Variants in GABRB1 observed in about 807,000 individuals in gnomAD.
GABRB1 encodes the protein gamma-aminobutyric acid type A receptor subunit beta1.
A neutral mutation model predicts 51.6 loss-of-function variants in GABRB1; 17 were observed. That is an observed-to-expected ratio of 0.33 (90% CI 0.23 to 0.49). The LOEUF (loss-of-function observed/expected upper bound fraction) is 0.49, where lower values mean the gene tolerates loss of function less well. GABRB1 is among the 20% of genes least tolerant of loss of function. GABRB1 has a pLI of 0.99. For missense variants in GABRB1, 410 were observed against 600.6 expected (o/e 0.68, Z 3.32); for synonymous variants, 247 against 218.9 (o/e 1.13, Z -1.14).
At chr4:47,333,100 T>G (rs1232128211) in intron 5 of GABRB1, among the ~76,000 whole-genome samples, 1 of 146,686 alleles carries the variant, frequency 6.8e-6, no homozygotes, top group Non-Finnish European at 1.5e-5. Context: ...ATATACATAT[T>G]TTTATATTCA....
chr4:47,292,021 G>C lies in GABRB1; in HGVS notation c.462-28106G>C, dbSNP rs151219323. Among the ~76,000 whole-genome samples the C allele has an allele frequency of 3.9e-3, 593 of 152,292 alleles. 6 individuals carry two copies. The highest frequency in any genetic ancestry group is 0.014 in the African/African-American group (576 of 41,560). ...AGGACATGAGATTTGGGAGAGGCCAGGGGTGGAATGATAAGGTTTGGTTTT... is the reference window on the plus strand; with the variant it reads ...AGGACATGAGATTTGGGAGAGGCCACGGGTGGAATGATAAGGTTTGGTTTT... On this transcript the variant is annotated intron_variant, in intron 4 of 8. Coordinates refer to ENST00000295454, the MANE Select transcript of GABRB1 (RefSeq NM_000812.4).
chr4:47,241,124 C>A (rs914198678), intron 4 of GABRB1, among the ~76,000 whole-genome samples: 1 of 152,086 alleles, frequency 6.6e-6, no homozygotes, highest in African/African-American at 2.4e-5. Flanking sequence ...TCTACAGCAT[C>A]ATTTATAGTT....
At chr4:47,421,830 A>C (rs574144338) in intron 8 of GABRB1, among the ~76,000 whole-genome samples, 43 of 152,056 alleles carry the variant, frequency 2.8e-4, no homozygotes, top group Non-Finnish European at 4.0e-4. Context: ...GCTTCACTCT[A>C]TATCTCTAAG....
At chr4:47,378,175 G>T (rs1375289499) in intron 5 of GABRB1, among the ~76,000 whole-genome samples, 1 of 152,238 alleles carries the variant, frequency 6.6e-6, no homozygotes, top group African/African-American at 2.4e-5. Flanking sequence ...ATGGCGGGCT[G>T]CAGGTCCCGA....
intron 5 of GABRB1, 132 bp downstream of exon 5, chr4:47,320,341 A>G (rs1725033927): frequency 1.5e-6 from 1 of 684,118 alleles, no homozygotes; most frequent in Non-Finnish European, 2.6e-6. Context: ...AAGGGTTTAT[A>G]TTGGTAGCTC....
In GABRB1 at chr4:47,392,588, C is replaced by A. The variant is rs530836190; in HGVS notation, c.545-10730C>A. Among the ~76,000 whole-genome samples the A allele has an allele frequency of 3.3e-5, 5 of 152,274 alleles. No homozygotes were observed. The East Asian group carries it at 9.7e-4, about 29-fold the overall frequency. On this transcript the variant is annotated intron_variant, in intron 5 of 8. Coordinates refer to ENST00000295454, the MANE Select transcript of GABRB1 (RefSeq NM_000812.4). ...CATCTGTTGACCTCATAGATCTGCCCGCCTTGGCCTCCCAAAGTGTTGGGA... is the reference window on the plus strand; with the variant it reads ...CATCTGTTGACCTCATAGATCTGCCAGCCTTGGCCTCCCAAAGTGTTGGGA...
intron 3 of GABRB1, among the ~76,000 whole-genome samples, chr4:47,056,708 A>G (rs1726621353): frequency 6.6e-6 from 1 of 152,204 alleles, no homozygotes; most frequent in South Asian, 2.1e-4. Context: ...ATGTGAGCTG[A>G]CATGATGATA....
intron 4 of GABRB1, among the ~76,000 whole-genome samples, chr4:47,164,282 G>A (rs1718080768): frequency 6.6e-6 from 1 of 151,618 alleles, no homozygotes; most frequent in Admixed American, 6.6e-5. Context: ...CTATGTATTA[G>A]GGCATGTTCA....
chr4:47,215,183 T>A (rs1720506618), intron 4 of GABRB1, among the ~76,000 whole-genome samples: 2 of 152,122 alleles, frequency 1.3e-5, no homozygotes, highest in Admixed American at 6.6e-5. Flanking sequence ...CCCACAATAA[T>A]GGGTGCTATT....
At chr4:46,997,119 T>A (rs1051668965) in intron 1 of GABRB1, among the ~76,000 whole-genome samples, 1 of 152,134 alleles carries the variant, frequency 6.6e-6, no homozygotes, top group Non-Finnish European at 1.5e-5. Flanking sequence ...AAAACAGTGT[T>A]TCCACTGAAA....
At chr4:47,267,828 G>A (rs1722700249) in intron 4 of GABRB1, among the ~76,000 whole-genome samples, 1 of 151,924 alleles carries the variant, frequency 6.6e-6, no homozygotes, top group Admixed American at 6.6e-5. Flanking sequence ...AAGGAAAATT[G>A]TTAAATAAAT....
chr4:47,058,539 T>C (rs1726714486), intron 3 of GABRB1, among the ~76,000 whole-genome samples: 1 of 152,150 alleles, frequency 6.6e-6, no homozygotes. Context: ...ATCCGGGCTT[T>C]TGGGGATATG....
intron 4 of GABRB1, among the ~76,000 whole-genome samples, chr4:47,311,052 C>A (rs1372291416): frequency 2.1e-5 from 2 of 95,310 alleles, no homozygotes; most frequent in South Asian, 3.8e-4. Flanking sequence ...CAGAGAGCAA[C>A]TCTGTCTCAA....
intron 3 of GABRB1, among the ~76,000 whole-genome samples, chr4:47,059,086 C>T (rs1726740332): frequency 6.6e-6 from 1 of 152,160 alleles, no homozygotes; most frequent in African/African-American, 2.4e-5. Context: ...GGTACAAATA[C>T]CACTTTAATC....
intron 3 of GABRB1, among the ~76,000 whole-genome samples, chr4:47,151,504 C>T (rs990910929): frequency 1.3e-5 from 2 of 152,010 alleles, no homozygotes; most frequent in Non-Finnish European, 2.9e-5. Context: ...TCATAACTAG[C>T]TTTGCTTTCT....
intron 4 of GABRB1, among the ~76,000 whole-genome samples, chr4:47,298,089 C>G (rs1380042992): frequency 6.6e-6 from 1 of 152,094 alleles, no homozygotes; most frequent in Non-Finnish European, 1.5e-5. Flanking sequence ...TGGGACGTAT[C>G]TCAAAATAAT....
chr4:47,046,496 G>T (rs1033396685), intron 3 of GABRB1, among the ~76,000 whole-genome samples: 9 of 151,906 alleles, frequency 5.9e-5, no homozygotes, highest in Non-Finnish European at 4.4e-5. Flanking sequence ...CACTGAGAAG[G>T]TAAGTTACAA....
At position 47,213,298 on chromosome 4, in the gene GABRB1, T is replaced by G. The variant is rs940905979; in HGVS notation, c.461+51829T>G. On this transcript the variant is annotated intron_variant, in intron 4 of 8. Coordinates refer to ENST00000295454, the MANE Select transcript of GABRB1 (RefSeq NM_000812.4). ...ATTGCTCCAGCCCAGTGGACAGTAG[T>G]TGACACAAAGCATGAGTTAAATGCT... is the stretch of plus-strand genomic sequence containing the variant. Among the ~76,000 whole-genome samples, 99 of 152,216 alleles carry G rather than the reference T, an allele frequency of 6.5e-4. 1 individual carries two copies. Among genetic ancestry groups the G allele is most frequent in the Non-Finnish European group, 1.8e-4 (12 of 68,036 alleles).
Position 47,217,243 on chromosome 4 carries a change from T to C in GABRB1, c.461+55774T>C, listed in dbSNP as rs190137434. 2.0e-3 allele frequency among the ~76,000 whole-genome samples: 303 copies of C among 151,952 alleles called. 2 individuals carry two copies. The highest frequency in any genetic ancestry group is 2.2e-3 in the Non-Finnish European group (146 of 67,780). On this transcript the variant is annotated intron_variant, in intron 4 of 8. Coordinates refer to ENST00000295454, the MANE Select transcript of GABRB1 (RefSeq NM_000812.4). ...ATCTAGGTAGGCAGGGACTTTCAAC[T>C]GTATCTATAGTATTAAATACCTAAG...
Sources: gnomAD v4.1 joint callset for allele counts (sites outside exome capture counted in the v4.1 genomes callset) on GRCh38, gnomAD v4.1.1 for gene constraint, MANE v1.5 for transcripts, NCBI Gene and HGNC (gene_info 2026-07-23, HGNC 2026-07-21) for gene names.